The following SMCHD1 variants were observed in gnomAD, a reference collection of about 807,000 sequenced individuals.
The protein encoded by SMCHD1 is structural maintenance of chromosomes flexible hinge domain-containing protein 1.
Under a neutral mutation model 254.7 loss-of-function variants are expected in SMCHD1, and 78 were observed. The observed-to-expected ratio is 0.31, with a 90% CI of 0.26 to 0.37. The LOEUF is 0.37. Among genes scored for constraint, SMCHD1 ranks in the 10% least tolerant of loss-of-function variants. The pLI is 1.00. For missense variants in SMCHD1, 1,840 were observed against 2,408.1 expected, an observed-to-expected ratio of 0.76 and a Z score of 4.94; for synonymous variants, 766 against 794.9, an observed-to-expected ratio of 0.96 and a Z score of 0.61.
At chr18:2,711,678 T>A (rs1278990549) in intron 17 of SMCHD1, among the ~76,000 whole-genome samples, 1 of 151,454 alleles carries the variant, frequency 6.6e-6, no homozygotes, top group Admixed American at 6.6e-5. Flanking sequence ...GAGACGGGGT[T>A]TCACCGTTTT....
chr18:2,759,569 C>CTT (rs763885639), intron 34 of SMCHD1, among the ~76,000 whole-genome samples: 18,082 of 36,464 alleles, frequency 0.5, 2,270 homozygotes, highest in Middle Eastern at 0.61. Context: ...TTTTAATTCT[C>CTT]TCTTTTTTTT....
rs77607786 is a variant in SMCHD1, at chr18:2,793,672, G to GAAAA, written c.5720-2274_5720-2273insAAAA. Among the ~76,000 whole-genome samples the GAAAA allele has an allele frequency of 5.9e-4, 39 of 65,894 alleles. 3 individuals are homozygous for GAAAA. The highest frequency in any genetic ancestry group is 2.3e-3 in the African/African-American group (36 of 15,932). The allele number at this position is 65,894 out of a possible 152,430, so 43.2% of individuals were successfully genotyped here. A position where few individuals can be genotyped will look rare whatever the true frequency, so the allele number is the denominator to read the frequency against. ...ACTCCGTCTCAAAAAAAAAAAAAAA[G>GAAAA]AAAGAAAACATTGCTTTAATGTGGA... On this transcript the variant is annotated intron_variant, in intron 45 of 47. Transcript: ENST00000320876.
At chr18:2,720,003 G>T (rs1033050278) in intron 19 of SMCHD1, among the ~76,000 whole-genome samples, 4 of 151,384 alleles carry the variant, frequency 2.6e-5, no homozygotes, top group Non-Finnish European at 5.9e-5. Context: ...ACATTTTTTT[G>T]TAGAGACAGG....
At chr18:2,686,722 G>A (rs2074060548) in intron 5 of SMCHD1, among the ~76,000 whole-genome samples, 1 of 152,062 alleles carries the variant, frequency 6.6e-6, no homozygotes, top group African/African-American at 2.4e-5. Context: ...TGTATGTTGT[G>A]TGGGGATGTG....
intron 1 of SMCHD1, among the ~76,000 whole-genome samples, chr18:2,657,454 C>G (rs143414467): frequency 1.3e-3 from 201 of 152,250 alleles, no homozygotes; most frequent in African/African-American, 4.6e-3. Flanking sequence ...TGAATGCTTT[C>G]TATTCAGAAC....
At position 2,697,019 on chromosome 18, in the gene SMCHD1, TTCTC is replaced by T; in HGVS notation, c.1041-11_1041-8del. On this transcript the variant is annotated splice_polypyrimidine_tract_variant and intron_variant, in intron 8 of 47. Coordinates refer to ENST00000320876, the MANE Select transcript of SMCHD1 (RefSeq NM_015295.3). ...GTGAATTAAAAGTATAAAATTATTC[TTCTC>T]TATTTTAGGCATATTTATCACTACT... is the stretch of plus-strand genomic sequence containing the variant. 1 of 1,121,028 alleles carries T rather than the reference TTCTC, an allele frequency of 8.9e-7. No individual in the cohort carries two copies. The highest frequency in any genetic ancestry group is 1.3e-6 in the Non-Finnish European group (1 of 795,292). The allele number at this position is 1,121,028 out of a possible 1,614,324, so 69.4% of individuals were successfully genotyped here. A position where few individuals can be genotyped will look rare whatever the true frequency, so the allele number is the denominator to read the frequency against.
chr18:2,725,036 T>A, intron 21 of SMCHD1, 41 bp downstream of exon 21: 1 of 1,129,496 alleles, frequency 8.9e-7, no homozygotes. Context: ...TGTTAAGTAT[T>A]TATTTATCAT....
rs1329621891 is a variant in SMCHD1, at chr18:2,804,449, T to C, written c.*1897T>C. 2 of 152,170 alleles carry C rather than the reference T, an allele frequency of 1.3e-5. No individual in the cohort carries two copies. Among genetic ancestry groups the C allele is most frequent in the Non-Finnish European group, 2.9e-5 (2 of 68,022 alleles). 9.4% of individuals were successfully genotyped at this position (152,170 alleles called of 1,614,324 possible). A position where few individuals can be genotyped will look rare whatever the true frequency, so the allele number is the denominator to read the frequency against. On this transcript the variant is annotated 3_prime_UTR_variant, in exon 48 of 48. Transcript: ENST00000320876. Reference sequence around the variant, plus strand: ...ACATGCCAATTTTTATTGCTTAAAATGGCGAGTTCTATGGATATTATCTAG... The same window carrying C: ...ACATGCCAATTTTTATTGCTTAAAACGGCGAGTTCTATGGATATTATCTAG...
In SMCHD1 at chr18:2,762,253, T is replaced by C; in HGVS notation, c.4566+17T>C. The C allele has an allele frequency of 6.2e-7, 1 of 1,610,134 alleles. No homozygotes were observed. Among genetic ancestry groups the C allele is most frequent in the Non-Finnish European group, 8.5e-7 (1 of 1,178,016 alleles). On this transcript the variant is annotated intron_variant, in intron 36 of 47. Coordinates refer to ENST00000320876, the MANE Select transcript of SMCHD1 (RefSeq NM_015295.3). ...AGTATCACGGTAATGTTTATTTTCT[T>C]CCAAAACTGCGAAGGGTAACAAGAA...
rs1361068910 is a variant in SMCHD1, at chr18:2,688,731, A to G, written c.857A>G (p.Tyr286Cys). 7.2e-7 allele frequency: 1 copy of G among 1,394,174 alleles called. No homozygotes were observed. The highest frequency in any genetic ancestry group is 9.9e-7 in the Non-Finnish European group (1 of 1,013,170). The allele number at this position is 1,394,174 out of a possible 1,614,324, so 86.4% of individuals were successfully genotyped here. ...EKNKEAIYSG[Y>C]IRNRKPSDSV... is the part of the protein sequence containing the mutation. ...AATAAAGAGGCAATATATAGTGGAT[A>G]TATTAGAAACAGAAAGGTACAATAC... Residue 286 changes from tyrosine to cysteine, a missense_variant, in exon 7 of 48, where the codon TAT (tyrosine) becomes TGT (cysteine). Physicochemically the swap from Tyr to Cys is radical, Grantham distance 194. Around this residue, in one of 9 missense-constraint regions of SMCHD1, gnomAD observed 498 missense variants for 743.5 expected, o/e 0.67. Transcript: ENST00000320876.
chr18:2,726,355 T>C, intron 21 of SMCHD1, 97 bp from the exon 22 acceptor site: 1 of 615,090 alleles, frequency 1.6e-6, no homozygotes, highest in South Asian at 2.3e-5. Flanking sequence ...TACAATGGTA[T>C]GAAAATAAAA....
chr18:2,721,926 G>A (rs576598447), intron 19 of SMCHD1, among the ~76,000 whole-genome samples: 13 of 152,280 alleles, frequency 8.5e-5, no homozygotes, highest in Admixed American at 8.5e-4. Context: ...GATTCAGCAG[G>A]TTTGAGATAG....
intron 10 of SMCHD1, among the ~76,000 whole-genome samples, chr18:2,699,551 G>A (rs1024464120): frequency 6.6e-6 from 1 of 152,096 alleles, no homozygotes; most frequent in Non-Finnish European, 1.5e-5. Context: ...TGTTGCCAAG[G>A]GTAGTCTCAA....
intron 22 of SMCHD1, 176 bp from the exon 23 acceptor site, chr18:2,728,281 T>C (rs2075064079): frequency 8.3e-6 from 5 of 599,710 alleles, no homozygotes; most frequent in Admixed American, 3.3e-5. Flanking sequence ...TTGTCATGTA[T>C]TGAATCTGTG....
intron 20 of SMCHD1, 75 bp from the exon 21 acceptor site, chr18:2,724,824 T>A: frequency 1.5e-6 from 1 of 678,210 alleles, no homozygotes. Flanking sequence ...CAATGTCACA[T>A]AGGAAAGCAA....
chr18:2,694,557 G>A lies in SMCHD1; in HGVS notation c.904G>A (p.Asp302Asn). The A allele has an allele frequency of 6.2e-7, 1 of 1,600,296 alleles. No homozygotes were observed. Among genetic ancestry groups the A allele is most frequent in the Non-Finnish European group, 8.5e-7 (1 of 1,171,876 alleles). Reference sequence around the variant, plus strand: ...TGATTCTGTTCACATTACAAATGATGATGAAAGATTTCTACATCATCTTAT... The same window carrying A: ...TGATTCTGTTCACATTACAAATGATAATGAAAGATTTCTACATCATCTTAT... ...PSDSVHITND[D>N]ERFLHHLIIE... The change falls in exon 8 of 48, where the codon GAT becomes AAT. Residue 302 changes from aspartate to asparagine, a missense_variant. Physicochemically the swap from Asp to Asn is conservative, Grantham distance 23 (BLOSUM62 1). This residue lies in a region of SMCHD1 where 498 missense variants were observed against 743.5 expected (regional missense o/e 0.67). Coordinates refer to ENST00000320876, the MANE Select transcript of SMCHD1 (RefSeq NM_015295.3).
At chr18:2,776,598 A>C (rs2076070129) in intron 42 of SMCHD1, among the ~76,000 whole-genome samples, 1 of 152,192 alleles carries the variant, frequency 6.6e-6, no homozygotes. Context: ...AAAGTAAATA[A>C]AAATGTATAG....
intron 28 of SMCHD1, among the ~76,000 whole-genome samples, chr18:2,742,371 A>T (rs568581122): frequency 2.6e-5 from 4 of 152,372 alleles, no homozygotes; most frequent in African/African-American, 9.6e-5. Flanking sequence ...AAGATTTGAA[A>T]TAAAACCAGA....
At chr18:2,773,506 T>C (rs12456323) in intron 41 of SMCHD1, among the ~76,000 whole-genome samples, 38,181 of 152,124 alleles carry the variant, frequency 0.25, 4,901 homozygotes, top group South Asian at 0.35. Flanking sequence ...TAGTTTCTCT[T>C]TTGTCCCCTC....
Sources: gnomAD v4.1 joint callset for allele counts (sites outside exome capture counted in the v4.1 genomes callset) on GRCh38, gnomAD v4.1.1 for gene constraint, gnomAD v4.1.1 regional missense constraint, MANE v1.5 for transcripts, NCBI Gene and HGNC (gene_info 2026-07-23, HGNC 2026-07-21) for gene names.